HIVEP2: variants seen among roughly 807,000 people sequenced by gnomAD.
The protein encoded by HIVEP2 is HIVEP zinc finger 2.
In HIVEP2, 14 loss-of-function variants were observed where a neutral mutation model predicts 180.7. That is an observed-to-expected ratio of 0.08 (90% CI 0.05 to 0.12). The LOEUF is 0.12. Among genes scored for constraint, HIVEP2 ranks in the 10% least tolerant of loss-of-function variants. The pLI is 1.00. For synonymous variants in HIVEP2, 1,184 were observed against 1,136.4 expected (o/e 1.04, Z -0.84); for missense variants, 2,579 against 3,008.5 (o/e 0.86, Z 3.34).
chr6:142,874,472 C>T (rs1776375514), intron 1 of HIVEP2, among the ~76,000 whole-genome samples: 1 of 152,058 alleles, frequency 6.6e-6, no homozygotes, highest in African/African-American at 2.4e-5. Context: ...CGGTAGACAG[C>T]ACACCCTTAT....
rs776500555 is a variant in HIVEP2 at position 142,760,358 on chromosome 6, C to T, written c.5930G>A (p.Ser1977Asn). 1 of 1,614,198 alleles carries T rather than the reference C, an allele frequency of 6.2e-7. No homozygotes were observed. The highest frequency in any genetic ancestry group is 1.1e-5 in the South Asian group (1 of 91,090). Residue 1977 changes from serine (S) to asparagine (N), a missense_variant, in exon 9 of 10, where the codon AGT (serine) becomes AAT (asparagine). Ser to Asn is a conservative substitution (Grantham distance 46, BLOSUM62 1). Transcript: ENST00000367603. ...SLISYLVTLP[S>N]IRVTQLMTPS... ...TGTCATAAGCTGAGTAACTCGAATA[C>T]TTGGCAAAGTAACCAAATAGCTGAT...
intron 1 of HIVEP2, among the ~76,000 whole-genome samples, chr6:142,920,230 G>A (rs1280218705): frequency 6.6e-6 from 1 of 152,216 alleles, no homozygotes; most frequent in Non-Finnish European, 1.5e-5. Flanking sequence ...AGTCACAAAT[G>A]TAAGGATAAT....
intron 1 of HIVEP2, among the ~76,000 whole-genome samples, chr6:142,838,259 G>A (rs1051356184): frequency 3.9e-5 from 6 of 152,032 alleles, no homozygotes; most frequent in Non-Finnish European, 7.4e-5. Context: ...GAAAACCTGT[G>A]TCTAGATTCT....
At chr6:142,840,692 A>G (rs897113452) in intron 1 of HIVEP2, among the ~76,000 whole-genome samples, 3 of 152,178 alleles carry the variant, frequency 2.0e-5, no homozygotes, top group African/African-American at 7.2e-5. Flanking sequence ...TATATGTGGC[A>G]ACATTTCAAA....
intron 2 of HIVEP2, chr6:142,794,027 T>C (rs903569487): frequency 2.0e-5 from 3 of 152,176 alleles, no homozygotes; most frequent in Non-Finnish European, 2.9e-5. Flanking sequence ...GAAATTTATC[T>C]GGACTCAAAA....
At chr6:142,925,488 T>C (rs923035511) in intron 1 of HIVEP2, among the ~76,000 whole-genome samples, 1 of 152,124 alleles carries the variant, frequency 6.6e-6, no homozygotes, top group Admixed American at 6.5e-5. Flanking sequence ...AGATAGGAAA[T>C]AGGATCGTTG....
intron 1 of HIVEP2, among the ~76,000 whole-genome samples, chr6:142,880,998 C>T (rs1776563377): frequency 6.6e-6 from 1 of 151,956 alleles, no homozygotes; most frequent in Non-Finnish European, 1.5e-5. Context: ...CATTTTTTTT[C>T]CCCATACTAG....
At chr6:142,763,660 C>T (rs1775309006) in intron 7 of HIVEP2, among the ~76,000 whole-genome samples, 1 of 152,046 alleles carries the variant, frequency 6.6e-6, no homozygotes, top group Non-Finnish European at 1.5e-5. Flanking sequence ...TGCAATATTC[C>T]CTGAAACCAA....
intron 2 of HIVEP2, among the ~76,000 whole-genome samples, chr6:142,822,091 G>A (rs775555829): frequency 2.6e-5 from 4 of 152,180 alleles, no homozygotes; most frequent in South Asian, 4.1e-4. Context: ...CAGGAAAGAC[G>A]CTACTTTTAA....
chr6:142,862,934 C>A (rs1582922702), intron 1 of HIVEP2, among the ~76,000 whole-genome samples: 2 of 131,316 alleles, frequency 1.5e-5, no homozygotes, highest in South Asian at 2.3e-4. Flanking sequence ...ATATATTGTA[C>A]TTTACATATA....
chr6:142,772,397 A>G lies in HIVEP2; in HGVS notation c.2342T>C (p.Ile781Thr), dbSNP rs1025794760. ...TAGGTCTGACATCTTGTCTGAATCA[A>G]TGGCTGAAGGTGACTCCTCTGACAC... is the stretch of plus-strand genomic sequence containing the variant. Reference protein sequence around the residue: ...SLVSEESPSAIDSDKMSDLGG... With the variant: ...SLVSEESPSATDSDKMSDLGG... Residue 781 changes from isoleucine to threonine, a missense_variant, in exon 5 of 10, where the codon ATT becomes ACT. Around this residue, in one of 11 missense-constraint regions of HIVEP2, gnomAD observed 524 missense variants for 563.6 expected, o/e 0.93. Coordinates refer to ENST00000367603, the MANE Select transcript of HIVEP2 (RefSeq NM_006734.4). This position sits in a 1 kb window ranked among gnomAD's most constrained non-coding sequence, Gnocchi z 4.9. 6.2e-7 allele frequency: 1 copy of G among 1,614,186 alleles called. No homozygotes were observed. The highest frequency in any genetic ancestry group is 1.6e-4 in the Middle Eastern group (1 of 6,062).
chr6:142,853,527 A>G (rs1285327415), intron 1 of HIVEP2, among the ~76,000 whole-genome samples: 1 of 152,220 alleles, frequency 6.6e-6, no homozygotes, highest in Non-Finnish European at 1.5e-5. Flanking sequence ...ACCCTTCAAA[A>G]GCCTGTATAA....
chr6:142,756,908 C>G (rs1345873989), intron 9 of HIVEP2, among the ~76,000 whole-genome samples: 1 of 152,070 alleles, frequency 6.6e-6, no homozygotes, highest in Non-Finnish European at 1.5e-5. Context: ...TCCTTCTCAT[C>G]ATTTGTGTCT....
rs564262712 is a variant in HIVEP2, at chr6:142,769,698, T to A, written c.5041A>T (p.Asn1681Tyr). The A allele has an allele frequency of 6.2e-7, 1 of 1,614,190 alleles. No individual in the cohort carries two copies. The highest frequency in any genetic ancestry group is 2.2e-5 in the East Asian group (1 of 44,878). ...GTCTTGGTGTTCAATCCTGATGGGT[T>A]TGGATTACAGGAACTAATGCACCAT... ...ASWCISSCNP[N>Y]PSGLNTKTTL... is the part of the protein sequence containing the mutation. The change falls in exon 5 of 10, where the codon AAC (asparagine) becomes TAC (tyrosine). Residue 1681 changes from asparagine to tyrosine, a missense_variant. This residue lies in a region of HIVEP2 where 349 missense variants were observed against 367.2 expected (regional missense o/e 0.95). Coordinates refer to ENST00000367603, the MANE Select transcript of HIVEP2 (RefSeq NM_006734.4).
intron 1 of HIVEP2, among the ~76,000 whole-genome samples, chr6:142,864,384 T>G (rs1776082688): frequency 6.6e-6 from 1 of 152,166 alleles, no homozygotes; most frequent in African/African-American, 2.4e-5. Context: ...CATCACAGCT[T>G]ATCACTCAGA....
chr6:142,825,475 A>T (rs1236656235), intron 2 of HIVEP2, among the ~76,000 whole-genome samples: 2 of 152,158 alleles, frequency 1.3e-5, no homozygotes, highest in Non-Finnish European at 2.9e-5. Flanking sequence ...CCCTCCCACC[A>T]CAGCTAACCA....
intron 2 of HIVEP2, among the ~76,000 whole-genome samples, chr6:142,790,613 A>G (rs1354091093): frequency 6.6e-6 from 1 of 152,260 alleles, no homozygotes; most frequent in African/African-American, 2.4e-5. Flanking sequence ...GCAGATATAC[A>G]TAAATAAGGT....
chr6:142,770,876 A>G lies in HIVEP2; in HGVS notation c.3863T>C (p.Leu1288Pro), dbSNP rs373977678. ...TYPCYSGASG[L>P]HPKNLLPKFP... ...CTTTGGAAGAAGGTTCTTTGGGTGT[A>G]GCCCTGATGCTCCTGAATAACATGG... Residue 1288 changes from leucine to proline, a missense_variant, in exon 5 of 10, where the codon CTA (leucine) becomes CCA (proline). This residue lies in a region of HIVEP2 where 523 missense variants were observed against 577.0 expected (regional missense o/e 0.91). Transcript: ENST00000367603. This position sits in a 1 kb window ranked among gnomAD's most constrained non-coding sequence, Gnocchi z 4.7. The G allele has an allele frequency of 5.9e-5, 95 of 1,614,104 alleles. No homozygotes were observed. The highest frequency in any genetic ancestry group is 7.4e-5 in the Non-Finnish European group (87 of 1,180,048).
chr6:142,926,874 G>C (rs1031207956), intron 1 of HIVEP2, among the ~76,000 whole-genome samples: 7 of 151,978 alleles, frequency 4.6e-5, no homozygotes, highest in Non-Finnish European at 7.4e-5. Context: ...CTCCCGGCAG[G>C]AAGGGGGGAG....
Sources: gnomAD v4.1 joint callset for allele counts (sites outside exome capture counted in the v4.1 genomes callset) on GRCh38, gnomAD v4.1.1 for gene constraint, gnomAD v4.1.1 regional missense constraint, Gnocchi (gnomAD v3.1) non-coding constraint, MANE v1.5 for transcripts, NCBI Gene and HGNC (gene_info 2026-07-23, HGNC 2026-07-21) for gene names.